The following ACLY variants were observed in gnomAD, a reference collection of about 807,000 sequenced individuals.
ACLY encodes ATP-citrate synthase.
Under a neutral mutation model 133.0 loss-of-function variants are expected in ACLY, and 41 were observed. The ratio of observed to expected loss-of-function variants is 0.31; its 90% CI spans 0.24 to 0.40. The LOEUF is 0.40. ACLY is among the 10% of genes least tolerant of loss of function. The probability of loss-of-function intolerance (pLI) is 1.00; values close to 1 mark genes in which losing one functional copy is unlikely to be tolerated. For synonymous variants in ACLY, 495 were observed against 549.3 expected (o/e 0.90, Z 1.38); for missense variants, 1,046 against 1,453.8 (o/e 0.72, Z 4.56).
chr17:41,912,685 T>A, intron 2 of ACLY, 143 bp from the exon 3 acceptor site: 1 of 1,032,876 alleles, frequency 9.7e-7, no homozygotes, highest in Non-Finnish European at 1.4e-6. Flanking sequence ...CAGAGTCAAC[T>A]CCTGGATGCT....
intron 10 of ACLY, 82 bp downstream of exon 10, chr17:41,904,647 C>T (rs1018871455): frequency 7.1e-7 from 1 of 1,403,184 alleles, no homozygotes; most frequent in Non-Finnish European, 1.0e-6. Flanking sequence ...TTGGCTCTGG[C>T]TCAAACTCTG....
rs778318236 is a variant in ACLY, at chr17:41,867,620, T to C, written c.*190A>G. 1.1e-4 allele frequency: 46 copies of C among 405,340 alleles called. No homozygotes were observed. Among genetic ancestry groups the C allele is most frequent in the Non-Finnish European group, 1.9e-4 (44 of 227,484 alleles). 25.1% of individuals were successfully genotyped at this position (405,340 alleles called of 1,614,324 possible). A position where few individuals can be genotyped will look rare whatever the true frequency, so the allele number is the denominator to read the frequency against. On this transcript the variant is annotated 3_prime_UTR_variant, in exon 29 of 29. Transcript: ENST00000352035. ...TATTTCTATGCTTATAAAAAAAATA[T>C]GAAGCTTCTTTGTGTGGACTGAAGG...
At chr17:41,904,499 G>A in intron 10 of ACLY, 1 of 543,942 alleles carries the variant, frequency 1.8e-6, no homozygotes, top group Non-Finnish European at 3.3e-6. Flanking sequence ...TCAGGTGGGA[G>A]AGTTATAGTT....
intron 13 of ACLY, 28 bp downstream of exon 13, chr17:41,897,721 C>A (rs782757206): frequency 6.2e-7 from 1 of 1,604,096 alleles, no homozygotes; most frequent in South Asian, 1.1e-5. Flanking sequence ...CCACTCCCTG[C>A]AACATGCCTG....
chr17:41,919,064 C>G, upstream of ACLY: 1 of 1,253,222 alleles, frequency 8.0e-7, no homozygotes, highest in Non-Finnish European at 1.0e-6. Flanking sequence ...GTTCCCTAGC[C>G]TGAGCGCCAG....
chr17:41,912,867 C>A (rs1338251923), intron 2 of ACLY, among the ~76,000 whole-genome samples: 1 of 152,164 alleles, frequency 6.6e-6, no homozygotes, highest in Non-Finnish European at 1.5e-5. Context: ...AACAGTAAGC[C>A]CCTCAGAATA....
chr17:41,919,045 G>C, upstream of ACLY: 1 of 1,282,184 alleles, frequency 7.8e-7, no homozygotes, highest in Non-Finnish European at 1.0e-6. Flanking sequence ...CCCGCGATTG[G>C]CCACACGCGT....
At chr17:41,917,223 A>C (rs1299494191) in intron 1 of ACLY, among the ~76,000 whole-genome samples, 1 of 151,596 alleles carries the variant, frequency 6.6e-6, no homozygotes, top group Non-Finnish European at 1.5e-5. Context: ...ACCGCTCCCC[A>C]GAACGTCTTA....
At chr17:41,880,602 C>T (rs575997318) in intron 20 of ACLY, among the ~76,000 whole-genome samples, 1 of 152,228 alleles carries the variant, frequency 6.6e-6, no homozygotes, top group Admixed American at 6.5e-5. Flanking sequence ...CAGTGGTTCA[C>T]GCCTGTAATC....
rs200680863 is a variant in ACLY, at chr17:41,884,190, C to T, written c.2154+3G>A. The T allele has an allele frequency of 1.5e-5, 23 of 1,570,298 alleles. No individual in the cohort carries two copies. The East Asian group carries it at 4.9e-4, about 34-fold the overall frequency. On this transcript the variant is annotated splice_donor_region_variant and intron_variant, in intron 19 of 28. Transcript: ENST00000352035. ...CATAATTTTTTTTTTTAAAGTAACT[C>T]ACCTCTCCAAGAACCACAATCATTT...
chr17:41,882,967 C>G (rs1350021854), intron 20 of ACLY, among the ~76,000 whole-genome samples, 155 bp downstream of exon 20: 3 of 152,228 alleles, frequency 2.0e-5, no homozygotes, highest in Non-Finnish European at 4.4e-5. Flanking sequence ...TCCCAGAGAG[C>G]AGGGCCCTGG....
intron 26 of ACLY, 50 bp downstream of exon 26, chr17:41,869,424 C>T (rs1006927133): frequency 6.8e-6 from 10 of 1,460,304 alleles, no homozygotes; most frequent in Non-Finnish European, 9.6e-6. Context: ...CCTGTTTCCT[C>T]CAATAAACTT....
At chr17:41,886,381 G>A in intron 17 of ACLY, 73 bp from the exon 18 acceptor site, 2 of 1,441,894 alleles carry the variant, frequency 1.4e-6, no homozygotes, top group Admixed American at 2.1e-5. Flanking sequence ...CAAAGCCCCT[G>A]CATTACTGCC....
intron 27 of ACLY, 114 bp downstream of exon 27, chr17:41,868,929 T>C: frequency 7.4e-7 from 1 of 1,345,528 alleles, no homozygotes; most frequent in Non-Finnish European, 1.1e-6. Context: ...TTCTTCTTTA[T>C]ACCTCTCCTT....
intron 12 of ACLY, 106 bp downstream of exon 12, chr17:41,898,525 C>T (rs1312917732): frequency 7.7e-6 from 11 of 1,422,040 alleles, no homozygotes; most frequent in Admixed American, 5.1e-5. Flanking sequence ...CACTAACTCC[C>T]GCTGTATTTC....
chr17:41,898,329 T>C (rs1598015141), intron 12 of ACLY, among the ~76,000 whole-genome samples: 1 of 152,156 alleles, frequency 6.6e-6, no homozygotes, highest in Non-Finnish European at 1.5e-5. Context: ...GCCAGGCTGG[T>C]CTCGAACTCC....
At chr17:41,880,972 G>A (rs1555627225) in intron 20 of ACLY, among the ~76,000 whole-genome samples, 1 of 151,708 alleles carries the variant, frequency 6.6e-6, no homozygotes, top group African/African-American at 2.4e-5. Flanking sequence ...CCTCTTAGAA[G>A]TGTCCTGATC....
intron 3 of ACLY, 37 bp from the exon 4 acceptor site, chr17:41,910,321 C>T (rs199551515): frequency 1.3e-5 from 21 of 1,592,906 alleles, no homozygotes; most frequent in East Asian, 2.2e-5. Context: ...CTCAGAGGGA[C>T]AGCACGTCTT....
chr17:41,874,830 C>T (rs2048690554), intron 22 of ACLY, among the ~76,000 whole-genome samples: 1 of 151,452 alleles, frequency 6.6e-6, no homozygotes, highest in South Asian at 2.1e-4. Context: ...GCCTCGGCCT[C>T]CCAAAGTGCT....
Sources: gnomAD v4.1 joint callset for allele counts (sites outside exome capture counted in the v4.1 genomes callset) on GRCh38, gnomAD v4.1.1 for gene constraint, MANE v1.5 for transcripts, NCBI Gene and HGNC (gene_info 2026-07-23, HGNC 2026-07-21) for gene names.